Variants in PTAR1 observed in about 807,000 individuals in gnomAD.
PTAR1 encodes protein prenyltransferase alpha subunit repeat-containing protein 1.
PTAR1 carries 17 observed loss-of-function variants against 45.5 expected under a neutral mutation model. That is an observed-to-expected ratio of 0.37 (90% CI 0.26 to 0.56). PTAR1 has a LOEUF of 0.56. PTAR1 is among the 20% of genes least tolerant of loss of function. PTAR1 has a pLI of 0.77. For missense variants in PTAR1, 391 were observed against 476.3 expected (o/e 0.82, Z 1.67); for synonymous variants, 169 against 171.3 (o/e 0.99, Z 0.11).
chr9:69,724,516 T>TACAG (rs1825175399), intron 5 of PTAR1, among the ~76,000 whole-genome samples: 1 of 152,190 alleles, frequency 6.6e-6, no homozygotes. Flanking sequence ...CAGTTAACAA[T>TACAG]ACAGACAGCA....
chr9:69,757,871 T>C (rs565564288), intron 1 of PTAR1: 3 of 152,244 alleles, frequency 2.0e-5, no homozygotes, highest in South Asian at 4.1e-4. Context: ...CAAAGATGCA[T>C]AGTAATATTA....
intron 6 of PTAR1, among the ~76,000 whole-genome samples, chr9:69,719,967 C>T (rs1824914471): frequency 6.6e-6 from 1 of 152,112 alleles, no homozygotes; most frequent in African/African-American, 2.4e-5. Flanking sequence ...ACCAGCTCTT[C>T]CCCCATCTCT....
intron 5 of PTAR1, among the ~76,000 whole-genome samples, chr9:69,725,211 A>G (rs1344556259): frequency 6.6e-6 from 1 of 152,096 alleles, no homozygotes; most frequent in Non-Finnish European, 1.5e-5. Flanking sequence ...TAATATGAAA[A>G]CATTTAGATT....
chr9:69,751,130 G>GTA (rs1254374855), intron 1 of PTAR1, among the ~76,000 whole-genome samples, 180 bp from the exon 2 acceptor site: 2 of 152,084 alleles, frequency 1.3e-5, no homozygotes, highest in African/African-American at 4.8e-5. Context: ...AAACCAGTAT[G>GTA]CTGTACTCTC....
intron 5 of PTAR1, among the ~76,000 whole-genome samples, chr9:69,729,124 A>C (rs1825418506): frequency 6.6e-6 from 1 of 152,136 alleles, no homozygotes; most frequent in Admixed American, 6.5e-5. Flanking sequence ...GTTCAAGACC[A>C]GCCTGACCAA....
chr9:69,758,678 G>C, intron 1 of PTAR1: 1 of 412,934 alleles, frequency 2.4e-6, no homozygotes, highest in South Asian at 1.7e-5. Flanking sequence ...ACATCCAACG[G>C]CTTCTTAACT....
Position 69,716,356 on chromosome 9 carries a change from G to A in PTAR1, c.*1986C>T, listed in dbSNP as rs1308797542. ...TCAAAATATGCTTTGTACACAAAGG[G>A]CCATGGAATTATGTTCATAATGGTA... is the stretch of plus-strand genomic sequence containing the variant. On this transcript the variant is annotated 3_prime_UTR_variant, in exon 8 of 8. Transcript: ENST00000340434. The A allele has an allele frequency of 6.6e-6, 1 of 151,996 alleles. No homozygotes were observed. Among genetic ancestry groups the A allele is most frequent in the Non-Finnish European group, 1.5e-5 (1 of 67,986 alleles). The allele number at this position is 151,996 out of a possible 1,614,324, so 9.4% of individuals were successfully genotyped here.
chr9:69,718,385 A>T lies in PTAR1; in HGVS notation c.1166T>A (p.Phe389Tyr). The part of the protein sequence containing the change: ...STCRNVEQAR[F>Y]ASAYRKWLVT... ...CAGCCATTTCCTGTATGCACTGGCAAACCTGGCTTGCTCCACGTTCCGACA... is the reference window on the plus strand; with the variant it reads ...CAGCCATTTCCTGTATGCACTGGCATACCTGGCTTGCTCCACGTTCCGACA... The change falls in exon 8 of 8, where the codon TTT (phenylalanine) becomes TAT (tyrosine). Residue 389 changes from phenylalanine to tyrosine, a missense_variant. Physicochemically the swap from Phe to Tyr is conservative, Grantham distance 22. Coordinates refer to ENST00000340434, the MANE Select transcript of PTAR1 (RefSeq NM_001099666.2). 1 of 1,612,960 alleles carries T rather than the reference A, an allele frequency of 6.2e-7. No homozygotes were observed. The highest frequency in any genetic ancestry group is 8.5e-7 in the Non-Finnish European group (1 of 1,179,206).
intron 1 of PTAR1, chr9:69,758,688 T>G (rs375556045): frequency 9.6e-6 from 4 of 415,358 alleles, no homozygotes; most frequent in East Asian, 7.4e-5. Context: ...GCTTCTTAAC[T>G]GTTTTACAAT....
intron 2 of PTAR1, among the ~76,000 whole-genome samples, chr9:69,742,938 T>C (rs1035701586): frequency 6.6e-6 from 1 of 152,078 alleles, no homozygotes; most frequent in African/African-American, 2.4e-5. Flanking sequence ...AGAACAAAAT[T>C]AGCAAAGTTT....
At chr9:69,740,867 T>C (rs1417526897) in intron 3 of PTAR1, among the ~76,000 whole-genome samples, 1 of 152,206 alleles carries the variant, frequency 6.6e-6, no homozygotes, top group African/African-American at 2.4e-5. Flanking sequence ...AGTATAAATA[T>C]ATTTAATTCA....
chr9:69,724,163 T>C (rs1825157602), intron 5 of PTAR1, among the ~76,000 whole-genome samples: 1 of 152,150 alleles, frequency 6.6e-6, no homozygotes, highest in Admixed American at 6.5e-5. Flanking sequence ...TACTTAATTA[T>C]AAGGGATTAG....
At chr9:69,753,875 A>G (rs544732429) in intron 1 of PTAR1, among the ~76,000 whole-genome samples, 104 of 152,300 alleles carry the variant, frequency 6.8e-4, no homozygotes, top group African/African-American at 2.4e-3. Context: ...AAACACAGGA[A>G]TAGTATCTTC....
intron 1 of PTAR1, chr9:69,757,628 T>C (rs1195316379): frequency 1.3e-5 from 2 of 152,172 alleles, no homozygotes; most frequent in African/African-American, 4.8e-5. Flanking sequence ...ATGAAGTAGA[T>C]GTTGGCCAAT....
At chr9:69,741,919 C>T in intron 2 of PTAR1, 61 bp from the exon 3 acceptor site, 1 of 1,054,036 alleles carries the variant, frequency 9.5e-7, no homozygotes, top group Non-Finnish European at 1.4e-6. Context: ...CTTGGCTTCT[C>T]ATTCTTTTAA....
chr9:69,734,343 A>G, intron 3 of PTAR1, 89 bp from the exon 4 acceptor site: 1 of 555,006 alleles, frequency 1.8e-6, no homozygotes, highest in Non-Finnish European at 2.9e-6. Flanking sequence ...ATATAATCTC[A>G]TTGTGAAGCG....
chr9:69,751,387 T>C (rs979720490), intron 1 of PTAR1, among the ~76,000 whole-genome samples: 1 of 149,324 alleles, frequency 6.7e-6, no homozygotes, highest in Admixed American at 6.7e-5. Flanking sequence ...TAAAAAACAA[T>C]GAGGTAGATC....
chr9:69,733,829 T>G (rs1463477258), intron 4 of PTAR1, among the ~76,000 whole-genome samples: 2 of 152,160 alleles, frequency 1.3e-5, no homozygotes, highest in Non-Finnish European at 2.9e-5. Context: ...TAGCTAACAT[T>G]TATTGAGTAT....
intron 4 of PTAR1, 104 bp from the exon 5 acceptor site, chr9:69,732,456 T>G (rs1342154083): frequency 1.3e-6 from 1 of 779,988 alleles, no homozygotes; most frequent in African/African-American, 1.7e-5. Flanking sequence ...TCAGAGACAA[T>G]GCAAAATAAT....
Sources: gnomAD v4.1 joint callset for allele counts (sites outside exome capture counted in the v4.1 genomes callset) on GRCh38, gnomAD v4.1.1 for gene constraint, MANE v1.5 for transcripts, NCBI Gene and HGNC (gene_info 2026-07-23, HGNC 2026-07-21) for gene names.